Variants in FANCL observed in about 807,000 individuals in gnomAD.
The protein encoded by FANCL is E3 ubiquitin-protein ligase FANCL.
Under a neutral mutation model 59.4 loss-of-function variants are expected in FANCL, and 69 were observed. The ratio of observed to expected loss-of-function variants is 1.16; its 90% CI spans 0.96 to 1.42. The LOEUF (loss-of-function observed/expected upper bound fraction) is 1.42. Ranked by LOEUF, FANCL falls within the 40% of genes most tolerant of loss-of-function variation. The pLI is 0.00. For synonymous variants in FANCL, 180 were observed against 147.1 expected, an observed-to-expected ratio of 1.22 and a Z score of -1.62; for missense variants, 519 against 447.2, an observed-to-expected ratio of 1.16 and a Z score of -1.45.
At chr2:58,207,644 G>A (rs1690724996) in intron 5 of FANCL, among the ~76,000 whole-genome samples, 2 of 152,090 alleles carry the variant, frequency 1.3e-5, no homozygotes, top group East Asian at 3.9e-4. Flanking sequence ...AACTAATAGA[G>A]ACTATTTGTA....
At chr2:58,228,414 C>A (rs1455962108) in intron 3 of FANCL, among the ~76,000 whole-genome samples, 1 of 152,188 alleles carries the variant, frequency 6.6e-6, no homozygotes, top group Non-Finnish European at 1.5e-5. Context: ...TTCTACATTG[C>A]ATTTTCCCCT....
intron 6 of FANCL, among the ~76,000 whole-genome samples, chr2:58,202,316 G>T (rs963471653): frequency 1.4e-5 from 2 of 142,790 alleles, no homozygotes; most frequent in Non-Finnish European, 3.0e-5. Context: ...CTAGGTAAAT[G>T]ATTAATATGC....
At chr2:58,218,350 A>G (rs1341421331) in intron 5 of FANCL, among the ~76,000 whole-genome samples, 1 of 152,002 alleles carries the variant, frequency 6.6e-6, no homozygotes, top group African/African-American at 2.4e-5. Context: ...TAACAACGCT[A>G]AAAGTTGGGT....
intron 7 of FANCL, among the ~76,000 whole-genome samples, chr2:58,178,456 CACAA>C (rs752653495): frequency 1.3e-5 from 2 of 152,218 alleles, no homozygotes; most frequent in Non-Finnish European, 1.5e-5. Flanking sequence ...TAACCCATCA[CACAA>C]ACAGAACCAA....
At chr2:58,194,412 T>C in intron 7 of FANCL, 3 of 406,126 alleles carry the variant, frequency 7.4e-6, no homozygotes, top group Non-Finnish European at 1.5e-5. Context: ...TAAGGATATA[T>C]TTTGAAGCAT....
intron 7 of FANCL, among the ~76,000 whole-genome samples, chr2:58,188,089 T>G (rs1364106905): frequency 1.3e-5 from 2 of 152,200 alleles, no homozygotes; most frequent in African/African-American, 4.8e-5. Context: ...TGTAAGTTAA[T>G]TTTTGTATAT....
intron 7 of FANCL, among the ~76,000 whole-genome samples, chr2:58,189,318 T>C (rs1688705220): frequency 7.3e-6 from 1 of 136,484 alleles, no homozygotes; most frequent in South Asian, 2.3e-4. Context: ...TGAACAGTAA[T>C]GGATCTACAC....
chr2:58,165,165 G>A (rs1685764176), intron 8 of FANCL, among the ~76,000 whole-genome samples: 1 of 152,154 alleles, frequency 6.6e-6, no homozygotes, highest in African/African-American at 2.4e-5. Context: ...TCGAGAACAT[G>A]ATAACATTGC....
At chr2:58,218,992 T>C (rs931978355) in intron 5 of FANCL, among the ~76,000 whole-genome samples, 1 of 150,346 alleles carries the variant, frequency 6.7e-6, no homozygotes, top group Non-Finnish European at 1.5e-5. Flanking sequence ...AACACACCAA[T>C]AGCAACAAGC....
At chr2:58,234,168 A>G (rs539079308) in intron 1 of FANCL, among the ~76,000 whole-genome samples, 2 of 152,242 alleles carry the variant, frequency 1.3e-5, no homozygotes, top group African/African-American at 2.4e-5. Context: ...ACAAGATTTC[A>G]GGTGATAACA....
intron 4 of FANCL, among the ~76,000 whole-genome samples, chr2:58,223,403 GTTT>G (rs1405644416): frequency 6.6e-6 from 1 of 151,868 alleles, no homozygotes; most frequent in Non-Finnish European, 1.5e-5. Context: ...TTCAAGATTT[GTTT>G]TTATTCTGAA....
rs527854941 is a variant in FANCL, at chr2:58,203,886, G to C, written c.471+244C>G. 3.3e-5 allele frequency among the ~76,000 whole-genome samples: 5 copies of C among 152,118 alleles called. 1 individual carries two copies. In the South Asian group the frequency reaches 8.3e-4, roughly 25 times the overall value. On this transcript the variant is annotated intron_variant, in intron 6 of 13. Coordinates refer to ENST00000233741, the MANE Select transcript of FANCL (RefSeq NM_018062.4). The stretch of plus-strand genomic sequence containing the variant: ...CATGGTACTCTGAGTCTATAAAATT[G>C]TAACTGTAGTATTTGTTATAAAGTC...
chr2:58,188,629 C>T (rs1688635129), intron 7 of FANCL, among the ~76,000 whole-genome samples: 1 of 151,732 alleles, frequency 6.6e-6, no homozygotes, highest in Admixed American at 6.6e-5. Context: ...TTTGTAGAGA[C>T]GAGGTTTCAC....
chr2:58,237,596 GA>G lies in FANCL; in HGVS notation c.96+3621del, dbSNP rs543833738. Among the ~76,000 whole-genome samples, 5 of 151,340 alleles carry G rather than the reference GA, an allele frequency of 3.3e-5. 1 individual carries two copies. The highest frequency in any genetic ancestry group is 2.1e-4 in the South Asian group (1 of 4,802). The stretch of plus-strand genomic sequence containing the variant: ...ATCATATAGAAACATAAAAATAATA[GA>G]AAAAAATTGAAGAAATTAAAGACAG... On this transcript the variant is annotated intron_variant, in intron 1 of 13. Coordinates refer to ENST00000233741, the MANE Select transcript of FANCL (RefSeq NM_018062.4).
At chr2:58,218,433 C>A (rs1044496041) in intron 5 of FANCL, among the ~76,000 whole-genome samples, 5 of 151,544 alleles carry the variant, frequency 3.3e-5, no homozygotes, top group Admixed American at 1.3e-4. Flanking sequence ...GCACAAAAAA[C>A]TCATGTGGAA....
At chr2:58,175,497 T>C (rs1183268357) in intron 7 of FANCL, among the ~76,000 whole-genome samples, 3 of 151,958 alleles carry the variant, frequency 2.0e-5, no homozygotes, top group Non-Finnish European at 4.4e-5. Context: ...AATCAATAAA[T>C]GTAATCCAGC....
Position 58,241,208 on chromosome 2 carries a change from G to A in FANCL, c.96+10C>T, listed in dbSNP as rs184741617. ...CTCTCTTAGCTAGAAAGCAACCACT[G>A]GGCGGGTACCTGAGCCGAGATGAAT... On this transcript the variant is annotated intron_variant, in intron 1 of 13. Coordinates refer to ENST00000233741, the MANE Select transcript of FANCL (RefSeq NM_018062.4). 41 of 1,613,884 alleles carry A rather than the reference G, an allele frequency of 2.5e-5. No homozygotes were observed. In the Admixed American group the frequency reaches 6.8e-4, roughly 27 times the overall value.
At position 58,209,417 on chromosome 2, in the gene FANCL, A is replaced by G. The variant is rs373377667; in HGVS notation, c.375-5191T>C. ...CTACTAGATAATTTGCAGTTATTCAATGACATGGATTTATGTATGAAGAAA... is the reference window on the plus strand; with the variant it reads ...CTACTAGATAATTTGCAGTTATTCAGTGACATGGATTTATGTATGAAGAAA... On this transcript the variant is annotated intron_variant, in intron 5 of 13. Coordinates refer to ENST00000233741, the MANE Select transcript of FANCL (RefSeq NM_018062.4). Among the ~76,000 whole-genome samples the G allele has an allele frequency of 3.2e-4, 49 of 152,274 alleles. No individual in the cohort carries two copies. In the South Asian group the frequency reaches 9.5e-3, roughly 30 times the overall value.
chr2:58,222,031 T>G lies in FANCL; in HGVS notation c.285A>C (p.Leu95Phe). 1 of 1,612,658 alleles carries G rather than the reference T, an allele frequency of 6.2e-7. No homozygotes were observed. Among genetic ancestry groups the G allele is most frequent in the Non-Finnish European group, 8.5e-7 (1 of 1,178,848 alleles). The change falls in exon 5 of 14, where the codon TTA (leucine) becomes TTC (phenylalanine). Residue 95 changes from leucine (L) to phenylalanine (F), a missense_variant. Leu to Phe is a conservative substitution (Grantham distance 22). Coordinates refer to ENST00000233741, the MANE Select transcript of FANCL (RefSeq NM_018062.4). ...MELKMLLEVA[L>F]KNRQELYALP... is the part of the protein sequence containing the mutation. ...GTGCATACAGCTCTTGTCTATTCTTTAAGGCAACTTCCTGTTTAAAAGAAG... is the reference window on the plus strand; with the variant it reads ...GTGCATACAGCTCTTGTCTATTCTTGAAGGCAACTTCCTGTTTAAAAGAAG...
Sources: allele counts gnomAD v4.1 joint callset (sites outside exome capture counted in the v4.1 genomes callset), GRCh38; gene constraint gnomAD v4.1.1; transcripts MANE v1.5; gene names NCBI Gene and HGNC (gene_info 2026-07-23, HGNC 2026-07-21).